The following CREB5 variants were observed in gnomAD, a reference collection of about 807,000 sequenced individuals.
CREB5 encodes cAMP responsive element binding protein 5, also known as cyclic AMP-responsive element-binding protein 5.
A neutral mutation model predicts 57.1 loss-of-function variants in CREB5; 19 were observed. The observed-to-expected ratio is 0.33, with a 90% CI of 0.23 to 0.49. The LOEUF is 0.49. Ranked by LOEUF, CREB5 falls within the 20% of genes least tolerant of loss-of-function variation. CREB5 has a pLI of 0.99. For synonymous variants in CREB5, 238 were observed against 238.3 expected (o/e 1.00, Z 0.01); for missense variants, 579 against 671.6 (o/e 0.86, Z 1.52).
chr7:28,330,796 T>C (rs1317334285), intron 1 of CREB5, among the ~76,000 whole-genome samples: 1 of 152,204 alleles, frequency 6.6e-6, no homozygotes, highest in Admixed American at 6.5e-5. Flanking sequence ...TTTGCAGTAA[T>C]TGGACTTGTT....
chr7:28,602,810 A>C (rs1204175502), intron 5 of CREB5, among the ~76,000 whole-genome samples: 1 of 152,202 alleles, frequency 6.6e-6, no homozygotes, highest in Non-Finnish European at 1.5e-5. Flanking sequence ...ACAAATTTAC[A>C]CCTGTGATAA....
At chr7:28,465,706 A>G (rs1790534590) in intron 1 of CREB5, among the ~76,000 whole-genome samples, 1 of 152,254 alleles carries the variant, frequency 6.6e-6, no homozygotes, top group African/African-American at 2.4e-5. Flanking sequence ...TTCTAAGAAC[A>G]AAATTAAATT....
intron 5 of CREB5, among the ~76,000 whole-genome samples, chr7:28,718,466 A>G (rs1275302002): frequency 1.3e-5 from 2 of 152,198 alleles, no homozygotes; most frequent in African/African-American, 4.8e-5. Context: ...CTTTCCTAAG[A>G]TGCGAGCGTT....
intron 4 of CREB5, among the ~76,000 whole-genome samples, chr7:28,515,261 G>A (rs1461446154): frequency 2.0e-5 from 3 of 152,298 alleles, no homozygotes; most frequent in Non-Finnish European, 4.4e-5. Flanking sequence ...GGGAGCCAGT[G>A]GTTTATGTGG....
intron 1 of CREB5, among the ~76,000 whole-genome samples, chr7:28,422,170 A>G (rs1351278118): frequency 6.6e-6 from 1 of 152,140 alleles, no homozygotes; most frequent in South Asian, 2.1e-4. Flanking sequence ...ATCAAGGAAC[A>G]TTCTGTGGAC....
In CREB5 at chr7:28,717,117, T is replaced by G. The variant is rs1802737354; in HGVS notation, c.465-1636T>G. 2.4e-5 allele frequency among the ~76,000 whole-genome samples: 3 copies of G among 126,932 alleles called. No homozygotes were observed. The South Asian group carries it at 7.8e-4, about 33-fold the overall frequency. 83.3% of individuals were successfully genotyped at this position (126,932 alleles called of 152,430 possible). A position where few individuals can be genotyped will look rare whatever the true frequency, so the allele number is the denominator to read the frequency against. On this transcript the variant is annotated intron_variant, in intron 5 of 10. Coordinates refer to ENST00000357727, the MANE Select transcript of CREB5 (RefSeq NM_182898.4). ...TTTTTTTTTTTTTTGAGATGGAATC[T>G]CGCTTTGTGGCCCAGGCTGGAGTGC...
chr7:28,714,778 GC>G (rs1286093471), intron 5 of CREB5, among the ~76,000 whole-genome samples: 1 of 152,198 alleles, frequency 6.6e-6, no homozygotes, highest in Non-Finnish European at 1.5e-5. Context: ...AACTCTTAAT[GC>G]TGCAGGACTC....
upstream of CREB5, chr7:28,410,077 C>T (rs187968108): frequency 1.4e-3 from 539 of 399,086 alleles, 4 homozygotes; most frequent in East Asian, 0.011. Flanking sequence ...GGTGGGCGCG[C>T]GCGCAGGGGG....
chr7:28,755,152 A>T (rs1805224376), intron 7 of CREB5, among the ~76,000 whole-genome samples: 2 of 152,208 alleles, frequency 1.3e-5, no homozygotes. Context: ...GTTTATAGCC[A>T]AGAGAAAGTG....
chr7:28,659,218 C>A (rs1005216732), intron 5 of CREB5, among the ~76,000 whole-genome samples: 1 of 151,778 alleles, frequency 6.6e-6, no homozygotes, highest in Non-Finnish European at 1.5e-5. Flanking sequence ...GCAATTATTT[C>A]GTATCTGGAA....
At chr7:28,587,442 A>C (rs1011789761) in intron 5 of CREB5, among the ~76,000 whole-genome samples, 3 of 151,946 alleles carry the variant, frequency 2.0e-5, no homozygotes, top group Admixed American at 2.0e-4. Flanking sequence ...GCTGTTTGGG[A>C]ACATGTGTTA....
chr7:28,367,732 C>T (rs1237928419), intron 1 of CREB5, among the ~76,000 whole-genome samples: 5 of 152,138 alleles, frequency 3.3e-5, no homozygotes, highest in African/African-American at 9.7e-5. Context: ...TGCTTGAACC[C>T]GGGAGGCAGA....
chr7:28,614,211 G>A (rs887964735), intron 5 of CREB5, among the ~76,000 whole-genome samples: 2 of 152,086 alleles, frequency 1.3e-5, no homozygotes, highest in Non-Finnish European at 2.9e-5. Flanking sequence ...TGTCCTTCTC[G>A]GCCCCCTGAA....
chr7:28,587,032 C>T (rs1055754275), intron 5 of CREB5, among the ~76,000 whole-genome samples: 1 of 152,124 alleles, frequency 6.6e-6, no homozygotes, highest in Non-Finnish European at 1.5e-5. Flanking sequence ...ATGTGACCAA[C>T]CAAGATAACA....
intron 5 of CREB5, among the ~76,000 whole-genome samples, chr7:28,582,456 C>A (rs1009475058): frequency 2.0e-5 from 3 of 152,050 alleles, no homozygotes; most frequent in African/African-American, 4.8e-5. Context: ...CGTCAAAGAC[C>A]CTGTTGCATC....
intron 9 of CREB5, among the ~76,000 whole-genome samples, chr7:28,817,438 T>A (rs1809502010): frequency 6.6e-6 from 1 of 152,192 alleles, no homozygotes; most frequent in South Asian, 2.1e-4. Flanking sequence ...TCTTTTTAGA[T>A]TGAGCAACAC....
intron 1 of CREB5, among the ~76,000 whole-genome samples, chr7:28,377,905 C>T (rs180909606): frequency 0.011 from 1,337 of 119,572 alleles, 18 homozygotes; most frequent in Middle Eastern, 0.038. Flanking sequence ...GCACTCCAGC[C>T]TGGGAGACAG....
chr7:28,635,243 T>C (rs34511948), intron 5 of CREB5, among the ~76,000 whole-genome samples: 20,573 of 152,208 alleles, frequency 0.14, 1,851 homozygotes, highest in Non-Finnish European at 0.2. Flanking sequence ...CCACTGATAT[T>C]GCTCATATTT....
chr7:28,561,005 CGTGTGTGTGTGCGTGTGTGCGT>C lies in CREB5; in HGVS notation c.292-9348_292-9327del, dbSNP rs1416688622. The stretch of plus-strand genomic sequence containing the variant: ...GCGTGCGTGTGTGTGCCTGCGTGTG[CGTGTGTGTGTGCGTGTGTGCGT>C]GTGTGTGTGTGTGTGTGAAGGTATT... On this transcript the variant is annotated intron_variant, in intron 4 of 10. Transcript: ENST00000357727. Among the ~76,000 whole-genome samples the C allele has an allele frequency of 4.1e-3, 111 of 26,928 alleles. 1 individual carries two copies. The highest frequency in any genetic ancestry group is 6.4e-3 in the Non-Finnish European group (82 of 12,714). The allele number at this position is 26,928 out of a possible 152,430, so 17.7% of individuals were successfully genotyped here.
Sources: allele counts gnomAD v4.1 joint callset (sites outside exome capture counted in the v4.1 genomes callset), GRCh38; gene constraint gnomAD v4.1.1; transcripts MANE v1.5; gene names NCBI Gene and HGNC (gene_info 2026-07-23, HGNC 2026-07-21).